The following RBFOX1 variants were observed in gnomAD, a reference collection of about 807,000 sequenced individuals.
The protein encoded by RBFOX1 is RNA binding fox-1 homolog 1.
In RBFOX1, 8 loss-of-function variants were observed where a neutral mutation model predicts 57.7. The ratio of observed to expected loss-of-function variants is 0.14; its 90% CI spans 0.08 to 0.25. The LOEUF is 0.25. RBFOX1 is among the 10% of genes least tolerant of loss of function. The pLI is 1.00. For missense variants in RBFOX1, 611 were observed against 548.5 expected, an observed-to-expected ratio of 1.11 and a Z score of -1.14; for synonymous variants, 326 against 222.4, an observed-to-expected ratio of 1.47 and a Z score of -4.15.
At chr16:6,904,181 T>G (rs980202939) in intron 3 of RBFOX1, among the ~76,000 whole-genome samples, 2 of 152,202 alleles carry the variant, frequency 1.3e-5, no homozygotes, top group Non-Finnish European at 2.9e-5. Flanking sequence ...TGTGTGTGTA[T>G]GTAAACACCA....
chr16:6,431,602 G>A (rs1035084130), intron 2 of RBFOX1, among the ~76,000 whole-genome samples: 1 of 152,090 alleles, frequency 6.6e-6, no homozygotes, highest in African/African-American at 2.4e-5. Flanking sequence ...GTACAAAGAT[G>A]ATGCTGGGGG....
At chr16:6,775,994 C>A (rs2079266518) in intron 3 of RBFOX1, 1 of 152,158 alleles carries the variant, frequency 6.6e-6, no homozygotes, top group Non-Finnish European at 1.5e-5. Flanking sequence ...TGATCACAGC[C>A]ACAAATTTCT....
intron 4 of RBFOX1, among the ~76,000 whole-genome samples, chr16:7,109,594 C>T (rs1462338076): frequency 6.6e-6 from 1 of 152,070 alleles, no homozygotes; most frequent in Admixed American, 6.6e-5. Flanking sequence ...TTGCACAACC[C>T]AGGGATCACA....
At chr16:6,726,701 C>A (rs974510321) in intron 3 of RBFOX1, among the ~76,000 whole-genome samples, 1 of 152,106 alleles carries the variant, frequency 6.6e-6, no homozygotes, top group Non-Finnish European at 1.5e-5. Context: ...CCTGGGCTTG[C>A]CTGTGCGTTT....
chr16:5,300,112 T>G (rs1385874462), intron 1 of RBFOX1, among the ~76,000 whole-genome samples: 2 of 152,270 alleles, frequency 1.3e-5, no homozygotes, highest in East Asian at 3.9e-4. Flanking sequence ...TCTAACCACT[T>G]TTTGAGTCAT....
intron 2 of RBFOX1, among the ~76,000 whole-genome samples, chr16:6,426,534 G>C (rs1416222705): frequency 6.6e-6 from 1 of 152,088 alleles, no homozygotes; most frequent in Non-Finnish European, 1.5e-5. Flanking sequence ...GGGAGGCCGA[G>C]GTGGGAGGAT....
chr16:6,546,500 T>C (rs1228675386), intron 2 of RBFOX1, among the ~76,000 whole-genome samples: 3 of 152,198 alleles, frequency 2.0e-5, no homozygotes, highest in Admixed American at 2.0e-4. Context: ...TGGCACTCTC[T>C]GGCATATTGT....
intron 1 of RBFOX1, among the ~76,000 whole-genome samples, chr16:6,029,282 C>G (rs1295004804): frequency 2.0e-5 from 3 of 152,174 alleles, no homozygotes; most frequent in Non-Finnish European, 4.4e-5. Flanking sequence ...AAGTTCATAA[C>G]AAGAACAAGG....
chr16:7,498,093 T>C (rs1044484303), intron 4 of RBFOX1, among the ~76,000 whole-genome samples: 3 of 152,200 alleles, frequency 2.0e-5, no homozygotes, highest in African/African-American at 7.2e-5. Context: ...GAAGCAGCCT[T>C]CTGTGAAGGC....
intron 3 of RBFOX1, among the ~76,000 whole-genome samples, chr16:6,912,386 A>G (rs550710676): frequency 6.7e-6 from 1 of 149,704 alleles, no homozygotes; most frequent in Admixed American, 6.6e-5. Context: ...TGGGGACGGT[A>G]CATTTTGCGA....
chr16:6,960,080 C>A (rs866611037), intron 3 of RBFOX1, among the ~76,000 whole-genome samples: 1 of 152,078 alleles, frequency 6.6e-6, no homozygotes, highest in African/African-American at 2.4e-5. Flanking sequence ...CTTAACAGGA[C>A]CCATTTAGGA....
intron 4 of RBFOX1, among the ~76,000 whole-genome samples, chr16:7,429,347 C>A (rs962761363): frequency 6.6e-6 from 1 of 152,200 alleles, no homozygotes; most frequent in East Asian, 1.9e-4. Context: ...TCCCTCACCC[C>A]CTTTTCATTC....
intron 3 of RBFOX1, among the ~76,000 whole-genome samples, chr16:6,883,912 A>G (rs540643142): frequency 6.6e-6 from 1 of 152,224 alleles, no homozygotes; most frequent in South Asian, 2.1e-4. Flanking sequence ...TTAGAGGGGA[A>G]CATCTTTACC....
At chr16:7,279,217 C>T (rs2095497279) in intron 4 of RBFOX1, among the ~76,000 whole-genome samples, 1 of 151,614 alleles carries the variant, frequency 6.6e-6, no homozygotes, top group Admixed American at 6.6e-5. Context: ...GAGGAAGCTT[C>T]AGTGTAATAG....
chr16:7,267,197 G>C (rs1003589012), intron 4 of RBFOX1, among the ~76,000 whole-genome samples: 3 of 152,138 alleles, frequency 2.0e-5, no homozygotes, highest in African/African-American at 7.2e-5. Context: ...TCAGGTGTTT[G>C]AGACCAGCCT....
intron 4 of RBFOX1, among the ~76,000 whole-genome samples, chr16:7,071,938 C>G (rs2057420589): frequency 1.3e-5 from 2 of 152,122 alleles, no homozygotes; most frequent in Admixed American, 1.3e-4. Flanking sequence ...TTTTTCAGCT[C>G]TACCTTCTCC....
chr16:7,147,809 A>T (rs76800760), intron 4 of RBFOX1, among the ~76,000 whole-genome samples: 1 of 152,204 alleles, frequency 6.6e-6, no homozygotes, highest in Non-Finnish European at 1.5e-5. Context: ...TGGTAGAACG[A>T]TTTATTTTTC....
chr16:5,392,327 A>T (rs1403509232), intron 1 of RBFOX1, among the ~76,000 whole-genome samples: 1 of 152,162 alleles, frequency 6.6e-6, no homozygotes, highest in Non-Finnish European at 1.5e-5. Flanking sequence ...TAGTCACATC[A>T]TATTAGGACT....
At chr16:6,714,892 T>C (rs1018589618) in intron 3 of RBFOX1, among the ~76,000 whole-genome samples, 3 of 152,112 alleles carry the variant, frequency 2.0e-5, no homozygotes, top group Non-Finnish European at 4.4e-5. Flanking sequence ...AGAAGGCACC[T>C]GGAAATAAGG....
Sources: gnomAD v4.1 joint callset for allele counts (sites outside exome capture counted in the v4.1 genomes callset) on GRCh38, gnomAD v4.1.1 for gene constraint, MANE v1.5 for transcripts, NCBI Gene and HGNC (gene_info 2026-07-23, HGNC 2026-07-21) for gene names.